The following ABCC3 variants were observed in gnomAD, a reference collection of about 807,000 sequenced individuals.
ABCC3 encodes ATP binding cassette subfamily C member 3, also known as ATP-binding cassette sub-family C member 3.
A neutral mutation model predicts 165.3 loss-of-function variants in ABCC3; 121 were observed. The ratio of observed to expected loss-of-function variants is 0.73; its 90% CI spans 0.63 to 0.85. ABCC3 has a LOEUF of 0.85. Ranked by LOEUF, ABCC3 falls within the 40% of genes least tolerant of loss-of-function variation. The probability of loss-of-function intolerance (pLI) is 0.00; values close to 1 mark genes in which losing one functional copy is unlikely to be tolerated. For missense variants in ABCC3, 1,869 were observed against 1,964.1 expected (o/e 0.95, Z 0.92); for synonymous variants, 733 against 810.1 (o/e 0.90, Z 1.62).
intron 1 of ABCC3, 175 bp downstream of exon 1, chr17:50,635,156 C>T: frequency 4.5e-6 from 3 of 666,404 alleles, no homozygotes; most frequent in Non-Finnish European, 6.8e-6. Context: ...CTGCGCCGCC[C>T]GGAGCCGGGT....
chr17:50,656,917 C>A, intron 3 of ABCC3, 90 bp downstream of exon 3: 1 of 1,550,490 alleles, frequency 6.4e-7, no homozygotes, highest in Non-Finnish European at 8.7e-7. Context: ...GAGGAGAGGG[C>A]TGGACATATT....
rs1486575719 is a variant in ABCC3 at position 50,675,464 on chromosome 17, A to G, written c.2702A>G (p.Lys901Arg). The change falls in exon 20 of 31, where the codon AAG becomes AGG. Residue 901 changes from lysine to arginine, a missense_variant. Lys to Arg is a conservative substitution (Grantham distance 26, BLOSUM62 2). Transcript: ENST00000285238. ...DNDPVTYVVQ[K>R]QFMRQLSALS... ...GATCCAGTCACCTATGTGGTCCAGA[A>G]GCAGTTTATGAGGTGAGTTCCTGAG... 4 of 1,613,424 alleles carry G rather than the reference A, an allele frequency of 2.5e-6. No individual in the cohort carries two copies. Among genetic ancestry groups the G allele is most frequent in the Non-Finnish European group, 3.4e-6 (4 of 1,179,718 alleles).
At chr17:50,650,190 C>A (rs1055752039) in intron 1 of ABCC3, among the ~76,000 whole-genome samples, 6 of 152,196 alleles carry the variant, frequency 3.9e-5, no homozygotes, top group African/African-American at 1.4e-4. Flanking sequence ...ACTGCAACCT[C>A]CGCCTCCCGG....
At position 50,667,843 on chromosome 17, in the gene ABCC3, A is replaced by ACCACCT. The variant is rs759226376; in HGVS notation, c.1636-15_1636-10dup. The ACCACCT allele has an allele frequency of 8.7e-6, 14 of 1,613,586 alleles. No individual in the cohort carries two copies. The highest frequency in any genetic ancestry group is 1.7e-4 in the Middle Eastern group (1 of 6,060). ...AGGGCTCATTGGACTCTACCCTGAC[A>ACCACCT]CCACCTCCACGCTGCTCAGGTGACC... On this transcript the variant is annotated intron_variant, in intron 12 of 30. Coordinates refer to ENST00000285238, the MANE Select transcript of ABCC3 (RefSeq NM_003786.4).
intron 19 of ABCC3, 124 bp from the exon 20 acceptor site, chr17:50,675,238 C>A (rs78621797): frequency 0.013 from 8,022 of 595,636 alleles, 487 homozygotes; most frequent in African/African-American, 0.13. Flanking sequence ...CCCTTTCAAT[C>A]CCCCTCATTT....
chr17:50,682,175 T>C (rs1236863748), intron 26 of ABCC3, among the ~76,000 whole-genome samples: 1 of 151,980 alleles, frequency 6.6e-6, no homozygotes, highest in Non-Finnish European at 1.5e-5. Flanking sequence ...ACTGCGCGTT[T>C]AGAGTAATGC....
At chr17:50,635,065 G>A (rs2054165795) in intron 1 of ABCC3, 84 bp downstream of exon 1, 7 of 1,229,152 alleles carry the variant, frequency 5.7e-6, no homozygotes, top group Non-Finnish European at 7.2e-6. Context: ...CTTCCCGCGG[G>A]GCCGGCAGGT....
intron 1 of ABCC3, among the ~76,000 whole-genome samples, chr17:50,650,041 T>G (rs1189765939): frequency 1.3e-5 from 2 of 152,242 alleles, no homozygotes; most frequent in Non-Finnish European, 2.9e-5. Context: ...CAATTTCCTA[T>G]TATGATCAGA....
chr17:50,650,658 T>G (rs1342800460), intron 1 of ABCC3, among the ~76,000 whole-genome samples: 1 of 152,220 alleles, frequency 6.6e-6, no homozygotes, highest in African/African-American at 2.4e-5. Flanking sequence ...TTTCCTTAGC[T>G]TCCTTTGTAT....
chr17:50,639,691 A>G (rs983350031), intron 1 of ABCC3, among the ~76,000 whole-genome samples: 2 of 151,474 alleles, frequency 1.3e-5, no homozygotes, highest in African/African-American at 4.9e-5. Flanking sequence ...ACTGCGGTGC[A>G]GTGGTTGGGG....
chr17:50,673,234 T>G (rs542462219), intron 18 of ABCC3, 96 bp downstream of exon 18: 1 of 1,486,346 alleles, frequency 6.7e-7, no homozygotes. Flanking sequence ...GACTTGGAGG[T>G]GTGGGGGGCG....
At position 50,663,940 on chromosome 17, in the gene ABCC3, C is replaced by G. The variant is rs780516365; in HGVS notation, c.1177-10C>G. On this transcript the variant is annotated splice_polypyrimidine_tract_variant and intron_variant, in intron 9 of 30. Coordinates refer to ENST00000285238, the MANE Select transcript of ABCC3 (RefSeq NM_003786.4). ...CGCAGCCAAGTCCACCCACTACTGT[C>G]TACCTGCAGGCTCTGGTTATCACCA... is the stretch of plus-strand genomic sequence containing the variant. 1.2e-6 allele frequency: 2 copies of G among 1,614,230 alleles called. No homozygotes were observed. Among genetic ancestry groups the G allele is most frequent in the East Asian group, 2.2e-5 (1 of 44,880 alleles).
chr17:50,637,991 C>G (rs1167901977), intron 1 of ABCC3, among the ~76,000 whole-genome samples: 2 of 152,200 alleles, frequency 1.3e-5, no homozygotes, highest in African/African-American at 4.8e-5. Context: ...TCTGTGTACT[C>G]ACACACCACC....
chr17:50,686,828 C>T (rs1011209155), intron 29 of ABCC3, among the ~76,000 whole-genome samples: 3 of 152,134 alleles, frequency 2.0e-5, no homozygotes, highest in East Asian at 3.9e-4. Flanking sequence ...GGAGAGAGCC[C>T]GGACTTTACT....
chr17:50,673,369 T>A (rs1427475341), intron 18 of ABCC3, 100 bp from the exon 19 acceptor site: 1 of 1,464,840 alleles, frequency 6.8e-7, no homozygotes, highest in Non-Finnish European at 9.3e-7. Context: ...CCAAGCTCCC[T>A]GGCACATGGG....
intron 1 of ABCC3, among the ~76,000 whole-genome samples, chr17:50,653,443 G>A (rs1350881266): frequency 6.6e-6 from 1 of 151,232 alleles, no homozygotes; most frequent in East Asian, 2.0e-4. Context: ...CATGAATTCA[G>A]CAGCATGCTA....
At chr17:50,645,370 TCA>T (rs1491561575) in intron 1 of ABCC3, among the ~76,000 whole-genome samples, 8 of 19,926 alleles carry the variant, frequency 4.0e-4, no homozygotes, top group African/African-American at 1.1e-3. Flanking sequence ...CAAGATTCCA[TCA>T]AAAAAAAAAA....
rs1366925245 is a variant in ABCC3, at chr17:50,657,085, G to C, written c.388G>C (p.Gly130Arg). ...TLLIQYERLQ[G>R]VQSSGVLIIF... ...GCTGATACAGTATGAGCGGCTGCAG[G>C]GCGTACAGTCTTCGGGGGTCCTCAT... is the stretch of plus-strand genomic sequence containing the variant. Residue 130 changes from glycine (G) to arginine (R), a missense_variant, in exon 4 of 31, where the codon GGC becomes CGC. By Grantham distance (125) the Gly-to-Arg change is moderately radical. Coordinates refer to ENST00000285238, the MANE Select transcript of ABCC3 (RefSeq NM_003786.4). 6.2e-7 allele frequency: 1 copy of C among 1,614,052 alleles called. No individual in the cohort carries two copies.
Position 50,675,672 on chromosome 17 carries a change from G to A in ABCC3, c.2756G>A (p.Arg919Gln), listed in dbSNP as rs1012299385. Residue 919 changes from arginine to glutamine, a missense_variant, in exon 21 of 31, where the codon CGG (arginine) becomes CAG (glutamine). Physicochemically the swap from Arg to Gln is conservative, Grantham distance 43 (BLOSUM62 1). Coordinates refer to ENST00000285238, the MANE Select transcript of ABCC3 (RefSeq NM_003786.4). The stretch of plus-strand genomic sequence containing the variant: ...TCCTCAGATGGGGAGGGACAGGGTC[G>A]GCCTGTACCCCGGAGGCACCTGGGT... ...ALSSDGEGQGRPVPRRHLGPS... is the reference protein window; with the variant it reads ...ALSSDGEGQGQPVPRRHLGPS... The A allele has an allele frequency of 2.2e-5, 34 of 1,573,010 alleles. No individual in the cohort carries two copies. The highest frequency in any genetic ancestry group is 6.7e-5 in the African/African-American group (5 of 74,106).
Sources: gnomAD v4.1 joint callset for allele counts (sites outside exome capture counted in the v4.1 genomes callset) on GRCh38, gnomAD v4.1.1 for gene constraint, MANE v1.5 for transcripts, NCBI Gene and HGNC (gene_info 2026-07-23, HGNC 2026-07-21) for gene names.